CTNNA2: variants seen among roughly 807,000 people sequenced by gnomAD.
CTNNA2 encodes catenin alpha-2.
CTNNA2 carries 42 observed loss-of-function variants against 101.0 expected under a neutral mutation model. That is an observed-to-expected ratio of 0.42 (90% confidence interval 0.32 to 0.54). The LOEUF (loss-of-function observed/expected upper bound fraction) is 0.54, where lower values mean the gene tolerates loss of function less well. Ranked by LOEUF, CTNNA2 falls within the 20% of genes least tolerant of loss-of-function variation. The pLI is 0.14. For missense variants in CTNNA2, 871 were observed against 1,223.1 expected (o/e 0.71, Z 4.29); for synonymous variants, 450 against 456.4 (o/e 0.99, Z 0.18).
intron 17 of CTNNA2, among the ~76,000 whole-genome samples, chr2:80,618,109 G>GA (rs539997825): frequency 2.0e-4 from 30 of 151,274 alleles, no homozygotes; most frequent in African/African-American, 4.4e-4. Context: ...AATTTTCATT[G>GA]AAAAAAAATA....
intron 2 of CTNNA2, among the ~76,000 whole-genome samples, chr2:79,685,090 A>T (rs1218866920): frequency 6.6e-6 from 1 of 152,188 alleles, no homozygotes; most frequent in Non-Finnish European, 1.5e-5. Flanking sequence ...ATTTCCTGAT[A>T]TTAAATATTC....
chr2:79,548,367 T>A (rs921871995), intron 1 of CTNNA2, among the ~76,000 whole-genome samples: 2 of 152,232 alleles, frequency 1.3e-5, no homozygotes, highest in Non-Finnish European at 2.9e-5. Context: ...ATTGTCTAGT[T>A]TGTTTTCACA....
chr2:79,446,181 C>G (rs1161461261), intron 4 of CTNNA2, among the ~76,000 whole-genome samples: 1 of 151,748 alleles, frequency 6.6e-6, no homozygotes, highest in Non-Finnish European at 1.5e-5. Flanking sequence ...TGTTGCCTGT[C>G]ACATCTGAAG....
chr2:79,706,840 A>G (rs532442788), intron 2 of CTNNA2, among the ~76,000 whole-genome samples: 1 of 152,040 alleles, frequency 6.6e-6, no homozygotes, highest in South Asian at 2.1e-4. Flanking sequence ...TTTCTTTCTT[A>G]CTTTATTTCT....
intron 7 of CTNNA2, among the ~76,000 whole-genome samples, chr2:79,976,205 T>A (rs1017542035): frequency 4.6e-5 from 7 of 152,222 alleles, no homozygotes; most frequent in Non-Finnish European, 8.8e-5. Flanking sequence ...TCTGTGGGCA[T>A]GTGTCTGTAA....
intron 4 of CTNNA2, among the ~76,000 whole-genome samples, chr2:79,476,195 G>A (rs1671047867): frequency 6.6e-6 from 1 of 152,142 alleles, no homozygotes; most frequent in South Asian, 2.1e-4. Flanking sequence ...TTATCACACA[G>A]GGCACCAGGA....
chr2:80,638,054 C>T (rs1008055122), intron 18 of CTNNA2, among the ~76,000 whole-genome samples: 3 of 152,076 alleles, frequency 2.0e-5, no homozygotes, highest in African/African-American at 7.2e-5. Flanking sequence ...GATAATTGTT[C>T]CTCTTACATT....
intron 7 of CTNNA2, among the ~76,000 whole-genome samples, chr2:80,112,355 C>T (rs891267464): frequency 6.6e-6 from 1 of 152,072 alleles, no homozygotes; most frequent in Non-Finnish European, 1.5e-5. Context: ...TTATTTGCAA[C>T]AGAGATCATA....
chr2:79,761,507 T>C (rs1672786132), intron 3 of CTNNA2, among the ~76,000 whole-genome samples: 1 of 152,212 alleles, frequency 6.6e-6, no homozygotes, highest in African/African-American at 2.4e-5. Context: ...TCAAGAACGT[T>C]TGTCTTTTTA....
intron 7 of CTNNA2, among the ~76,000 whole-genome samples, chr2:80,389,096 A>G (rs1158947042): frequency 6.6e-6 from 1 of 152,200 alleles, no homozygotes; most frequent in Non-Finnish European, 1.5e-5. Context: ...ATCTGCCTGG[A>G]TGGAGAAAGC....
chr2:80,645,479 T>G (rs11677818), intron 18 of CTNNA2, among the ~76,000 whole-genome samples: 9,882 of 152,230 alleles, frequency 0.065, 336 homozygotes, highest in Admixed American at 0.088. Context: ...ATCAAGACAG[T>G]CTTTAGGTTT....
intron 2 of CTNNA2, among the ~76,000 whole-genome samples, chr2:79,743,526 T>G (rs1671437031): frequency 6.8e-6 from 1 of 147,394 alleles, no homozygotes; most frequent in South Asian, 2.1e-4. Context: ...CCATTTTATT[T>G]ATTTTATTTA....
rs75141857 is a variant in CTNNA2, at chr2:80,543,335, A to G, written c.1291-1647A>G. On this transcript the variant is annotated intron_variant, in intron 9 of 18. Coordinates refer to ENST00000402739, the MANE Select transcript of CTNNA2 (RefSeq NM_001282597.3). Reference sequence around the variant, plus strand: ...AAGAACCTTCCTGCCCATGGCATGCAGTATCTGTGAATGGTCCTAATGAGG... The same window carrying G: ...AAGAACCTTCCTGCCCATGGCATGCGGTATCTGTGAATGGTCCTAATGAGG... Among the ~76,000 whole-genome samples, 631 of 152,336 alleles carry G rather than the reference A, an allele frequency of 4.1e-3. 4 individuals carry two copies. The highest frequency in any genetic ancestry group is 0.014 in the African/African-American group (594 of 41,580).
intron 4 of CTNNA2, 99 bp from the exon 5 acceptor site, chr2:79,869,717 T>G (rs1682437924): frequency 1.4e-6 from 2 of 1,445,008 alleles, no homozygotes; most frequent in South Asian, 2.8e-5. Context: ...TAACACATAC[T>G]AGTGTTTTAG....
intron 9 of CTNNA2, among the ~76,000 whole-genome samples, chr2:80,524,833 C>G (rs1228668228): frequency 2.0e-5 from 3 of 152,194 alleles, no homozygotes; most frequent in Non-Finnish European, 4.4e-5. Context: ...CTCTGACAAG[C>G]ATAGATCTCT....
rs1222181433 is a variant in CTNNA2 at position 79,811,672 on chromosome 2, T to C, written c.299-46341T>C. Among the ~76,000 whole-genome samples the C allele has an allele frequency of 2.0e-5, 3 of 152,324 alleles. No individual in the cohort carries two copies. The East Asian group carries it at 5.8e-4, about 29-fold the overall frequency. Reference sequence around the variant, plus strand: ...ATCAAGTAATGCCTTCTAACTTTGTTCTTTTTTCAAAATTGGTTTTGGGTA... The same window carrying C: ...ATCAAGTAATGCCTTCTAACTTTGTCCTTTTTTCAAAATTGGTTTTGGGTA... On this transcript the variant is annotated intron_variant, in intron 3 of 18. Coordinates refer to ENST00000402739, the MANE Select transcript of CTNNA2 (RefSeq NM_001282597.3).
At chr2:79,445,701 G>A (rs1261077019) in intron 4 of CTNNA2, among the ~76,000 whole-genome samples, 1 of 152,054 alleles carries the variant, frequency 6.6e-6, no homozygotes, top group Non-Finnish European at 1.5e-5. Context: ...ATCCAGAGTA[G>A]CCTAGAATAA....
chr2:79,625,389 T>C (rs1679240637), intron 1 of CTNNA2, among the ~76,000 whole-genome samples: 1 of 151,964 alleles, frequency 6.6e-6, no homozygotes, highest in Non-Finnish European at 1.5e-5. Context: ...TGTTTGAGAG[T>C]GTAGAGTCAT....
chr2:79,933,114 G>A (rs1051200465), intron 7 of CTNNA2, among the ~76,000 whole-genome samples: 3 of 151,980 alleles, frequency 2.0e-5, no homozygotes, highest in African/African-American at 7.3e-5. Context: ...TGCTTTATAG[G>A]GTTTTTGTTT....
Sources: allele counts gnomAD v4.1 joint callset (sites outside exome capture counted in the v4.1 genomes callset), GRCh38; gene constraint gnomAD v4.1.1; transcripts MANE v1.5; gene names NCBI Gene and HGNC (gene_info 2026-07-23, HGNC 2026-07-21).